The following SNX29 variants were observed in gnomAD, a reference collection of about 807,000 sequenced individuals.
The protein encoded by SNX29 is sorting nexin 29.
A neutral mutation model predicts 102.1 loss-of-function variants in SNX29; 78 were observed. That is an observed-to-expected ratio of 0.76 (90% CI 0.64 to 0.92). The LOEUF is 0.92. Ranked by LOEUF, SNX29 falls within the 40% of genes least tolerant of loss-of-function variation. The probability of loss-of-function intolerance (pLI) is 0.00; values close to 1 mark genes in which losing one functional copy is unlikely to be tolerated. For missense variants in SNX29, 1,280 were observed against 1,061.7 expected (o/e 1.21, Z -2.86); for synonymous variants, 580 against 414.5 (o/e 1.40, Z -4.85).
chr16:12,562,340 T>G (rs1160246025), intron 20 of SNX29, among the ~76,000 whole-genome samples: 2 of 152,012 alleles, frequency 1.3e-5, no homozygotes, highest in Non-Finnish European at 2.9e-5. Context: ...GCAGATTCTG[T>G]GATTTCCCCC....
intron 14 of SNX29, among the ~76,000 whole-genome samples, chr16:12,224,837 G>A (rs1001959377): frequency 8.5e-5 from 13 of 152,228 alleles, no homozygotes; most frequent in African/African-American, 1.2e-4. Context: ...AGGCAAACGT[G>A]ACAGGGTTCT....
chr16:12,080,624 C>CCCG (rs2051819828), intron 11 of SNX29, among the ~76,000 whole-genome samples: 1 of 152,054 alleles, frequency 6.6e-6, no homozygotes, highest in Admixed American at 6.6e-5. Flanking sequence ...AAGCGATCCA[C>CCCG]CCGCCTCAGC....
chr16:12,001,810 G>A (rs2056298086), intron 2 of SNX29, among the ~76,000 whole-genome samples: 1 of 152,104 alleles, frequency 6.6e-6, no homozygotes, highest in Non-Finnish European at 1.5e-5. Context: ...TTGAGGCCAG[G>A]GGTGTGAGAC....
At chr16:12,089,603 G>C (rs377458508) in intron 11 of SNX29, among the ~76,000 whole-genome samples, 1 of 152,216 alleles carries the variant, frequency 6.6e-6, no homozygotes, top group South Asian at 2.1e-4. Context: ...AGGATGGGGG[G>C]TTTGGCCTGT....
intron 14 of SNX29, among the ~76,000 whole-genome samples, chr16:12,273,330 T>C (rs1230005473): frequency 1.1e-5 from 1 of 92,462 alleles, no homozygotes; most frequent in Non-Finnish European, 2.2e-5. Context: ...TAGTGGTGGT[T>C]TTTTGTTTTT....
chr16:12,176,078 G>A (rs13339382), intron 13 of SNX29, among the ~76,000 whole-genome samples: 14,874 of 151,916 alleles, frequency 0.098, 837 homozygotes, highest in East Asian at 0.18. Flanking sequence ...AGAAGATCAT[G>A]TGAGGAGTGG....
At chr16:12,451,744 G>C (rs1261029779) in intron 18 of SNX29, among the ~76,000 whole-genome samples, 1 of 152,146 alleles carries the variant, frequency 6.6e-6, no homozygotes, top group Non-Finnish European at 1.5e-5. Flanking sequence ...CACACCTGTA[G>C]TCCCAGCTAC....
intron 20 of SNX29, among the ~76,000 whole-genome samples, chr16:12,548,960 C>G (rs2077787303): frequency 6.6e-6 from 1 of 152,214 alleles, no homozygotes; most frequent in African/African-American, 2.4e-5. Flanking sequence ...AACTCTCAAG[C>G]AACAGCACAA....
rs537181134 is a variant in SNX29 at position 12,153,032 on chromosome 16, T to G, written c.1595+23274T>G. ...TATACTTGGTGATTGTCAGAGTGTC[T>G]CTGTAGTCGTGTCTATTACTATAGC... On this transcript the variant is annotated intron_variant, in intron 13 of 20. Transcript: ENST00000566228. Among the ~76,000 whole-genome samples, 8 of 152,338 alleles carry G rather than the reference T, an allele frequency of 5.3e-5. No homozygotes were observed. The South Asian group carries it at 1.7e-3, about 32-fold the overall frequency.
At chr16:12,470,763 C>A (rs901487566) in intron 18 of SNX29, among the ~76,000 whole-genome samples, 2 of 152,232 alleles carry the variant, frequency 1.3e-5, no homozygotes, top group African/African-American at 2.4e-5. Flanking sequence ...TTCATGATTG[C>A]ACATCCTATA....
At chr16:12,549,668 C>G (rs1419958219) in intron 20 of SNX29, among the ~76,000 whole-genome samples, 1 of 152,192 alleles carries the variant, frequency 6.6e-6, no homozygotes, top group East Asian at 1.9e-4. Flanking sequence ...TGAGGCAGTC[C>G]CAAGGCCCGG....
intron 11 of SNX29, among the ~76,000 whole-genome samples, chr16:12,126,388 G>T (rs953483864): frequency 6.6e-6 from 1 of 152,236 alleles, no homozygotes. Context: ...CTCAGAGGGG[G>T]TTGCTAACTT....
At chr16:12,270,300 C>G (rs111390013) in intron 14 of SNX29, among the ~76,000 whole-genome samples, 1 of 152,134 alleles carries the variant, frequency 6.6e-6, no homozygotes, top group Admixed American at 6.5e-5. Context: ...TGATTCTTTA[C>G]GAATTGATTG....
chr16:12,495,696 A>G (rs2088786064), intron 19 of SNX29, among the ~76,000 whole-genome samples: 1 of 152,234 alleles, frequency 6.6e-6, no homozygotes, highest in African/African-American at 2.4e-5. Flanking sequence ...ACTGCCCTGT[A>G]GAGGACAGCT....
chr16:12,000,164 A>G (rs2151016550), intron 2 of SNX29, among the ~76,000 whole-genome samples: 1 of 152,298 alleles, frequency 6.6e-6, no homozygotes, highest in East Asian at 1.9e-4. Context: ...TGGGCTTGGA[A>G]GTAAGCTTGG....
intron 20 of SNX29, among the ~76,000 whole-genome samples, chr16:12,551,984 C>G (rs970632572): frequency 3.9e-5 from 6 of 152,180 alleles, no homozygotes; most frequent in African/African-American, 9.7e-5. Flanking sequence ...AGTGCCATGT[C>G]AAAGTAGCTC....
At chr16:12,467,544 C>T (rs2087111901) in intron 18 of SNX29, among the ~76,000 whole-genome samples, 2 of 152,288 alleles carry the variant, frequency 1.3e-5, no homozygotes, top group East Asian at 1.9e-4. Flanking sequence ...CCTGGCAGTG[C>T]TCTCATGGAC....
At chr16:12,196,394 G>A (rs193145157) in intron 13 of SNX29, among the ~76,000 whole-genome samples, 1 of 152,264 alleles carries the variant, frequency 6.6e-6, no homozygotes, top group East Asian at 1.9e-4. Context: ...CCTACTCAGA[G>A]GCAGGTGTTC....
At chr16:12,120,466 G>A (rs564448628) in intron 11 of SNX29, among the ~76,000 whole-genome samples, 1 of 152,354 alleles carries the variant, frequency 6.6e-6, no homozygotes, top group East Asian at 1.9e-4. Flanking sequence ...ATCGCAGTCA[G>A]CAGTCTCTTC....
Sources: allele counts gnomAD v4.1 joint callset (sites outside exome capture counted in the v4.1 genomes callset), GRCh38; gene constraint gnomAD v4.1.1; transcripts MANE v1.5; gene names NCBI Gene and HGNC (gene_info 2026-07-23, HGNC 2026-07-21).